Variants in RSRC1 observed in about 807,000 individuals in gnomAD.
The protein encoded by RSRC1 is arginine and serine rich coiled-coil 1, also known as serine/Arginine-related protein 53.
In RSRC1, 39 loss-of-function variants were observed where a neutral mutation model predicts 49.1. That is an observed-to-expected ratio of 0.79 (90% CI 0.61 to 1.04). The LOEUF is 1.04. Ranked by LOEUF, RSRC1 falls within the 50% of genes least tolerant of loss-of-function variation. RSRC1 has a pLI of 0.00. For missense variants in RSRC1, 388 were observed against 402.4 expected, an observed-to-expected ratio of 0.96 and a Z score of 0.31; for synonymous variants, 143 against 130.8, an observed-to-expected ratio of 1.09 and a Z score of -0.63.
At chr3:158,157,924 A>G (rs1717980438) in intron 3 of RSRC1, among the ~76,000 whole-genome samples, 1 of 152,098 alleles carries the variant, frequency 6.6e-6, no homozygotes, top group Non-Finnish European at 1.5e-5. Flanking sequence ...TAAAAAAAAA[A>G]GAGCAAGTGA....
chr3:158,450,136 A>G (rs1736942274), intron 6 of RSRC1, among the ~76,000 whole-genome samples: 1 of 151,958 alleles, frequency 6.6e-6, no homozygotes, highest in Non-Finnish European at 1.5e-5. Flanking sequence ...CATTTAGCTC[A>G]GTGATTAGGA....
At chr3:158,456,198 A>G (rs1300277729) in intron 6 of RSRC1, among the ~76,000 whole-genome samples, 1 of 151,980 alleles carries the variant, frequency 6.6e-6, no homozygotes, top group African/African-American at 2.4e-5. Flanking sequence ...GTCATGAGGA[A>G]CGCACTTCTT....
chr3:158,174,610 T>C (rs950341320), intron 3 of RSRC1, among the ~76,000 whole-genome samples: 1 of 152,018 alleles, frequency 6.6e-6, no homozygotes, highest in East Asian at 1.9e-4. Context: ...TTTACATAAA[T>C]GCACTCATTA....
chr3:158,159,422 C>T (rs1226056810), intron 3 of RSRC1, among the ~76,000 whole-genome samples: 2 of 152,098 alleles, frequency 1.3e-5, no homozygotes, highest in Non-Finnish European at 2.9e-5. Context: ...TAGTATAGCC[C>T]TTTATACTTT....
At chr3:158,168,659 A>G (rs968242557) in intron 3 of RSRC1, among the ~76,000 whole-genome samples, 7 of 152,192 alleles carry the variant, frequency 4.6e-5, no homozygotes, top group African/African-American at 1.7e-4. Context: ...CGTTAAGATT[A>G]TAATTGTTGC....
chr3:158,299,651 T>C (rs1727426551), intron 5 of RSRC1, among the ~76,000 whole-genome samples: 1 of 152,180 alleles, frequency 6.6e-6, no homozygotes, highest in Non-Finnish European at 1.5e-5. Flanking sequence ...TTTATACTTT[T>C]GTTGTAAATT....
At chr3:158,174,796 A>G (rs545953382) in intron 3 of RSRC1, among the ~76,000 whole-genome samples, 35 of 152,218 alleles carry the variant, frequency 2.3e-4, no homozygotes, top group African/African-American at 7.2e-4. Context: ...GGTATTACAA[A>G]GAATGGTACT....
In RSRC1 at chr3:158,184,047, A is replaced by G. The variant is rs188855305; in HGVS notation, c.321-19025A>G. ...CAATAGTATAAAATCAATTATTTATACTGAATCTTGAACTTGAATTTAGGA... is the reference window on the plus strand; with the variant it reads ...CAATAGTATAAAATCAATTATTTATGCTGAATCTTGAACTTGAATTTAGGA... On this transcript the variant is annotated intron_variant, in intron 3 of 9. Transcript: ENST00000611884. Among the ~76,000 whole-genome samples, 15 of 152,282 alleles carry G rather than the reference A, an allele frequency of 9.9e-5. No individual in the cohort carries two copies. In the East Asian group the frequency reaches 2.7e-3, roughly 27 times the overall value.
chr3:158,474,181 A>T (rs1456567455), intron 7 of RSRC1, among the ~76,000 whole-genome samples: 1 of 152,122 alleles, frequency 6.6e-6, no homozygotes, highest in Non-Finnish European at 1.5e-5. Flanking sequence ...TAAAATACAG[A>T]TACTTTGGAG....
At chr3:158,451,404 T>C (rs1388534652) in intron 6 of RSRC1, among the ~76,000 whole-genome samples, 2 of 152,184 alleles carry the variant, frequency 1.3e-5, no homozygotes, top group African/African-American at 4.8e-5. Flanking sequence ...GCTATGTTAA[T>C]ATGTAAAATT....
chr3:158,381,060 T>A (rs1732670832), intron 6 of RSRC1, among the ~76,000 whole-genome samples: 1 of 152,220 alleles, frequency 6.6e-6, no homozygotes, highest in Admixed American at 6.5e-5. Context: ...AAGTCACGTA[T>A]GTCGTGAATG....
chr3:158,248,992 T>G (rs1724059779), intron 4 of RSRC1, among the ~76,000 whole-genome samples: 1 of 152,214 alleles, frequency 6.6e-6, no homozygotes, highest in Non-Finnish European at 1.5e-5. Flanking sequence ...TCTGATGGAT[T>G]TGTAGATGTA....
intron 2 of RSRC1, 110 bp downstream of exon 2, chr3:158,122,408 A>G (rs1347495497): frequency 2.4e-6 from 2 of 819,968 alleles, no homozygotes; most frequent in African/African-American, 1.8e-5. Context: ...TACTAGCTAT[A>G]TATTTATGAA....
At chr3:158,367,561 CA>C (rs1228569512) in intron 6 of RSRC1, among the ~76,000 whole-genome samples, 1 of 152,070 alleles carries the variant, frequency 6.6e-6, no homozygotes, top group Non-Finnish European at 1.5e-5. Flanking sequence ...AGGATTTTTG[CA>C]TCAATGTTCA....
chr3:158,131,080 G>A (rs996858978), intron 3 of RSRC1, among the ~76,000 whole-genome samples: 6 of 151,834 alleles, frequency 4.0e-5, no homozygotes, highest in African/African-American at 1.4e-4. Context: ...TAGGAGGAAA[G>A]TATTCAGTCT....
intron 7 of RSRC1, among the ~76,000 whole-genome samples, chr3:158,511,284 G>A (rs1740157904): frequency 6.6e-6 from 1 of 151,810 alleles, no homozygotes; most frequent in Non-Finnish European, 1.5e-5. Context: ...AGTCCCCAGA[G>A]TGTGATGTTC....
intron 3 of RSRC1, among the ~76,000 whole-genome samples, chr3:158,194,515 A>G (rs1720442798): frequency 1.5e-5 from 2 of 133,258 alleles, no homozygotes. Context: ...TTTTAATTAT[A>G]CATTAAGTTT....
intron 5 of RSRC1, among the ~76,000 whole-genome samples, chr3:158,350,040 A>T (rs1339205903): frequency 6.6e-6 from 1 of 151,170 alleles, no homozygotes; most frequent in Non-Finnish European, 1.5e-5. Context: ...ACTACCATTT[A>T]TGTTTTAAGG....
At chr3:158,451,430 A>G (rs1171782624) in intron 6 of RSRC1, among the ~76,000 whole-genome samples, 1 of 152,046 alleles carries the variant, frequency 6.6e-6, no homozygotes, top group East Asian at 1.9e-4. Flanking sequence ...TGAATTTGAC[A>G]TAGTTATAAC....
Sources: allele counts gnomAD v4.1 joint callset (sites outside exome capture counted in the v4.1 genomes callset), GRCh38; gene constraint gnomAD v4.1.1; transcripts MANE v1.5; gene names NCBI Gene and HGNC (gene_info 2026-07-23, HGNC 2026-07-21).